The following ARIH2 variants were observed in gnomAD, a reference collection of about 807,000 sequenced individuals.
ARIH2 encodes E3 ubiquitin-protein ligase ARIH2.
A neutral mutation model predicts 79.8 loss-of-function variants in ARIH2; 12 were observed. The observed-to-expected ratio is 0.15, with a 90% confidence interval of 0.10 to 0.24. The LOEUF is 0.24. ARIH2 is among the 10% of genes least tolerant of loss of function. The probability of loss-of-function intolerance (pLI) is 1.00; values close to 1 mark genes in which losing one functional copy is unlikely to be tolerated. For synonymous variants in ARIH2, 224 were observed against 213.9 expected, an observed-to-expected ratio of 1.05 and a Z score of -0.41; for missense variants, 301 against 618.3, an observed-to-expected ratio of 0.49 and a Z score of 5.44.
intron 12 of ARIH2, 128 bp downstream of exon 12, chr3:48,979,761 C>T (rs573176126): frequency 1.0e-6 from 1 of 1,001,410 alleles, no homozygotes; most frequent in Non-Finnish European, 1.5e-6. Context: ...GGAGCTCCTG[C>T]AGTATCCCTG....
chr3:48,970,776 C>A, intron 8 of ARIH2, 72 bp downstream of exon 8: 3 of 1,216,136 alleles, frequency 2.5e-6, no homozygotes, highest in South Asian at 1.2e-5. Context: ...TGCTGTTGCT[C>A]CATGTGAGGG....
intron 8 of ARIH2, 88 bp from the exon 9 acceptor site, chr3:48,973,611 T>G: frequency 2.3e-6 from 2 of 874,664 alleles, no homozygotes; most frequent in Non-Finnish European, 1.8e-6. Flanking sequence ...CTCTAATTCA[T>G]GATTTGTTGG....
intron 3 of ARIH2, among the ~76,000 whole-genome samples, chr3:48,950,175 CT>C (rs2089767598): frequency 6.6e-6 from 1 of 152,050 alleles, no homozygotes; most frequent in Non-Finnish European, 1.5e-5. Flanking sequence ...TTCCAGAACC[CT>C]TTGTTGAAAA....
intron 8 of ARIH2, among the ~76,000 whole-genome samples, chr3:48,973,152 A>C (rs1214912698): frequency 1.3e-5 from 2 of 152,244 alleles, no homozygotes; most frequent in African/African-American, 4.8e-5. Flanking sequence ...TACCTATTTG[A>C]AAAGCTCTAG....
intron 3 of ARIH2, among the ~76,000 whole-genome samples, chr3:48,943,922 C>T (rs565262466): frequency 1.0e-3 from 152 of 152,274 alleles, no homozygotes; most frequent in African/African-American, 3.5e-3. Flanking sequence ...AACTTTTGGA[C>T]AGGATGGGCT....
intron 4 of ARIH2, among the ~76,000 whole-genome samples, chr3:48,962,387 CAG>C (rs1400782401): frequency 6.6e-6 from 1 of 151,208 alleles, no homozygotes; most frequent in African/African-American, 2.4e-5. Context: ...AAAAAAAAAA[CAG>C]AAAGAAAATA....
At chr3:48,957,130 C>A (rs745859611) in intron 3 of ARIH2, among the ~76,000 whole-genome samples, 2 of 152,182 alleles carry the variant, frequency 1.3e-5, no homozygotes, top group Non-Finnish European at 2.9e-5. Context: ...TTTGTTCTCA[C>A]CAGAACTCAG....
intron 1 of ARIH2, chr3:48,919,439 C>T (rs2084434067): frequency 6.7e-6 from 2 of 299,276 alleles, no homozygotes; most frequent in Non-Finnish European, 6.2e-6. Context: ...GAGCCCGCGG[C>T]GCCCCTAGGG....
At chr3:48,979,164 T>C (rs1369201259) in intron 11 of ARIH2, among the ~76,000 whole-genome samples, 1 of 152,172 alleles carries the variant, frequency 6.6e-6, no homozygotes, top group African/African-American at 2.4e-5. Flanking sequence ...CTCCTTCTTA[T>C]AGTGGCATTG....
intron 11 of ARIH2, among the ~76,000 whole-genome samples, chr3:48,976,277 G>A (rs2092493702): frequency 6.7e-6 from 1 of 149,186 alleles, no homozygotes. Context: ...GCAATGGTGT[G>A]ATCTTGGCTC....
intron 3 of ARIH2, among the ~76,000 whole-genome samples, chr3:48,932,613 A>G (rs1359708549): frequency 1.3e-5 from 2 of 152,300 alleles, no homozygotes; most frequent in East Asian, 3.9e-4. Context: ...CTGCTCAGGA[A>G]GAGGCTCAGC....
At chr3:48,967,369 C>A in intron 6 of ARIH2, 94 bp downstream of exon 6, 1 of 1,392,990 alleles carries the variant, frequency 7.2e-7, no homozygotes. Flanking sequence ...GTATTTTCTT[C>A]TGAGCCTGAT....
At chr3:48,952,243 A>G (rs905299967) in intron 3 of ARIH2, among the ~76,000 whole-genome samples, 5 of 152,186 alleles carry the variant, frequency 3.3e-5, no homozygotes, top group Admixed American at 6.5e-5. Context: ...GCTACAAAGA[A>G]GGGCATTATT....
rs552582294 is a variant in ARIH2, at chr3:48,961,756, C to A, written c.323+77C>A. The A allele has an allele frequency of 1.4e-5, 13 of 950,040 alleles. No individual in the cohort carries two copies. The Admixed American group carries it at 2.1e-4, about 15-fold the overall frequency. The allele number at this position is 950,040 out of a possible 1,614,324, so 58.9% of individuals were successfully genotyped here. A position where few individuals can be genotyped will look rare whatever the true frequency, so the allele number is the denominator to read the frequency against. On this transcript the variant is annotated intron_variant, in intron 4 of 15. Transcript: ENST00000356401. The stretch of plus-strand genomic sequence containing the variant: ...TGGTGATTATTGTTTACATTTTGGA[C>A]CATATTCGACTATATTCCAATGTGC...
At chr3:48,944,300 C>T (rs1199913523) in intron 3 of ARIH2, among the ~76,000 whole-genome samples, 2 of 151,892 alleles carry the variant, frequency 1.3e-5, no homozygotes, top group African/African-American at 4.8e-5. Flanking sequence ...AAAAAAAATA[C>T]CCTTATGGTC....
chr3:48,983,100 T>C, intron 15 of ARIH2, 99 bp from the exon 16 acceptor site: 1 of 1,527,636 alleles, frequency 6.5e-7, no homozygotes, highest in Non-Finnish European at 9.1e-7. Flanking sequence ...GGGCAGTGTT[T>C]TTGACTCCTT....
intron 5 of ARIH2, among the ~76,000 whole-genome samples, chr3:48,966,624 C>G (rs1215081605): frequency 6.6e-6 from 1 of 152,152 alleles, no homozygotes; most frequent in Non-Finnish European, 1.5e-5. Flanking sequence ...TATAGTGAAA[C>G]CACTGTCCTT....
intron 2 of ARIH2, among the ~76,000 whole-genome samples, chr3:48,926,101 T>C (rs1459674068): frequency 1.3e-5 from 2 of 152,154 alleles, no homozygotes; most frequent in African/African-American, 2.4e-5. Context: ...AGTTAATGGG[T>C]GTTTGCCACA....
intron 3 of ARIH2, among the ~76,000 whole-genome samples, chr3:48,948,877 A>AGT (rs1373072177): frequency 2.0e-5 from 3 of 152,174 alleles, no homozygotes; most frequent in Admixed American, 6.5e-5. Context: ...ATGCATCAGT[A>AGT]GTGTGTTCTC....
Sources: gnomAD v4.1 joint callset for allele counts (sites outside exome capture counted in the v4.1 genomes callset) on GRCh38, gnomAD v4.1.1 for gene constraint, MANE v1.5 for transcripts, NCBI Gene and HGNC (gene_info 2026-07-23, HGNC 2026-07-21) for gene names.